Variants in CHD9 observed in about 807,000 individuals in gnomAD.
CHD9 encodes the protein ATP-dependent chromatin remodeler CHD9.
CHD9 carries 77 observed loss-of-function variants against 316.1 expected under a neutral mutation model. The observed-to-expected ratio is 0.24, with a 90% confidence interval of 0.20 to 0.29. The LOEUF (loss-of-function observed/expected upper bound fraction) is 0.29. CHD9 is among the 10% of genes least tolerant of loss of function. The pLI, the probability that CHD9 is intolerant of heterozygous loss-of-function variation, is 1.00. For synonymous variants in CHD9, 1,129 were observed against 1,158.3 expected (o/e 0.97, Z 0.51); for missense variants, 2,763 against 3,438.1 (o/e 0.80, Z 4.91).
intron 2 of CHD9, among the ~76,000 whole-genome samples, chr16:53,186,276 A>G (rs2043999031): frequency 6.6e-6 from 1 of 152,202 alleles, no homozygotes; most frequent in South Asian, 2.1e-4. Context: ...CATGGAGTCA[A>G]AGGAGATCAT....
chr16:53,057,673 A>G (rs996913815), intron 1 of CHD9, among the ~76,000 whole-genome samples: 3 of 152,112 alleles, frequency 2.0e-5, no homozygotes, highest in Admixed American at 6.6e-5. Context: ...AAAAGAAAGA[A>G]AAAAGAAAAA....
At position 53,324,062 on chromosome 16, in the gene CHD9, C is replaced by T; in HGVS notation, c.7861C>T (p.Pro2621Ser). The T allele has an allele frequency of 6.2e-7, 1 of 1,613,582 alleles. No individual in the cohort carries two copies. The highest frequency in any genetic ancestry group is 8.5e-7 in the Non-Finnish European group (1 of 1,179,630). Residue 2621 changes from proline (P) to serine (S), a missense_variant, in exon 39 of 39, where the codon CCC becomes TCC. Physicochemically the swap from Pro to Ser is moderately conservative, Grantham distance 74 (BLOSUM62 -1). Coordinates refer to ENST00000447540, the MANE Select transcript of CHD9 (RefSeq NM_001308319.2). ...CATGTATGAACGTATTCTCACTGGT[C>T]CCGTTGTGAGAGAGGAAGTAAGCAG... ...ESMYERILTG[P>S]VVREEVSRRG...
Position 53,303,908 on chromosome 16 carries a change from A to G in CHD9, c.5902A>G (p.Arg1968Gly), listed in dbSNP as rs1248381010. 1.2e-6 allele frequency: 2 copies of G among 1,613,890 alleles called. No homozygotes were observed. Among genetic ancestry groups the G allele is most frequent in the African/African-American group, 2.7e-5 (2 of 74,922 alleles). ...PVWWECGPHD[R>G]DLLIGAAKHG... ...CTGGTGGGAATGTGGCCCTCATGAT[A>G]GGGATTTGCTTATTGGTGCTGCCAA... The change falls in exon 31 of 39, where the codon AGG (arginine) becomes GGG (glycine). Residue 1968 changes from arginine to glycine, a missense_variant. This residue lies in a region of CHD9 where 663 missense variants were observed against 751.2 expected (regional missense o/e 0.88). Coordinates refer to ENST00000447540, the MANE Select transcript of CHD9 (RefSeq NM_001308319.2).
At chr16:53,093,045 T>C (rs1330330713) in intron 1 of CHD9, among the ~76,000 whole-genome samples, 3 of 152,216 alleles carry the variant, frequency 2.0e-5, no homozygotes, top group Non-Finnish European at 4.4e-5. Flanking sequence ...TCCCAAAGTG[T>C]TGGGATTACA....
intron 36 of CHD9, among the ~76,000 whole-genome samples, chr16:53,315,468 G>A (rs1204172301): frequency 6.6e-6 from 1 of 152,064 alleles, no homozygotes; most frequent in Non-Finnish European, 1.5e-5. Context: ...TTATTACGTG[G>A]CATTGTTATA....
At chr16:53,265,315 A>T (rs1040723293) in intron 20 of CHD9, among the ~76,000 whole-genome samples, 1 of 152,182 alleles carries the variant, frequency 6.6e-6, no homozygotes, top group African/African-American at 2.4e-5. Context: ...AGGTGTGAGG[A>T]TGGCTTGACC....
In CHD9 at chr16:53,193,373, C is replaced by G. The variant is rs528862568; in HGVS notation, c.1453-16109C>G. The stretch of plus-strand genomic sequence containing the variant: ...CTGAGGCAGGAGAGTGGCATGAACC[C>G]GGGAGGCAGAGCTTGCAGTGAGCCG... On this transcript the variant is annotated intron_variant, in intron 2 of 38. Transcript: ENST00000447540. 4.0e-5 allele frequency among the ~76,000 whole-genome samples: 6 copies of G among 151,698 alleles called. No individual in the cohort carries two copies. In the South Asian group the frequency reaches 1.3e-3, roughly 32 times the overall value.
intron 1 of CHD9, among the ~76,000 whole-genome samples, chr16:53,131,599 C>T (rs1283957158): frequency 6.6e-6 from 1 of 151,360 alleles, no homozygotes; most frequent in Non-Finnish European, 1.5e-5. Flanking sequence ...AGGTGAGGGC[C>T]GGGCGGCCAG....
chr16:53,123,009 G>A (rs1197562390), intron 1 of CHD9, among the ~76,000 whole-genome samples: 3 of 150,544 alleles, frequency 2.0e-5, no homozygotes, highest in East Asian at 2.0e-4. Flanking sequence ...GAGCCACCGC[G>A]CCCGGCCCAC....
intron 1 of CHD9, among the ~76,000 whole-genome samples, chr16:53,101,419 C>T (rs944194506): frequency 1.3e-5 from 2 of 152,068 alleles, no homozygotes; most frequent in East Asian, 1.9e-4. Flanking sequence ...GGACCACAGG[C>T]ATGTGCCACC....
At chr16:53,085,250 AT>A (rs1240435881) in intron 1 of CHD9, among the ~76,000 whole-genome samples, 26 of 143,138 alleles carry the variant, frequency 1.8e-4, no homozygotes, top group Admixed American at 5.6e-4. Flanking sequence ...TTTTTTTTTT[AT>A]TTTTTTTAGA....
In CHD9 at chr16:53,156,341, A is replaced by G. The variant is rs780400284; in HGVS notation, c.252A>G (p.Gln84=). 12 of 1,614,006 alleles carry G rather than the reference A, an allele frequency of 7.4e-6. No homozygotes were observed. In the South Asian group the frequency reaches 8.8e-5, roughly 12 times the overall value. Residue 84 remains glutamine (Q), a synonymous_variant, in exon 2 of 39, where the codon CAA becomes CAG. Transcript: ENST00000447540. ...CAATAAAATTTCACCATGTTAATCA[A>G]TCTTTTGGTAGCCCAGCTGAACATG... ...FDSIKFHHVN[Q]SFGSPAEHVL...
intron 1 of CHD9, among the ~76,000 whole-genome samples, chr16:53,061,984 A>G (rs183513005): frequency 5.3e-5 from 8 of 152,162 alleles, no homozygotes; most frequent in Admixed American, 5.2e-4. Flanking sequence ...TGGGAAAGGG[A>G]TTTTTCCCTT....
chr16:53,223,091 G>A (rs985977330), intron 4 of CHD9, among the ~76,000 whole-genome samples: 1 of 152,116 alleles, frequency 6.6e-6, no homozygotes. Flanking sequence ...TTGAATGAAC[G>A]TGATGGACAT....
At chr16:53,244,563 T>C (rs2049401528) in intron 13 of CHD9, among the ~76,000 whole-genome samples, 1 of 152,210 alleles carries the variant, frequency 6.6e-6, no homozygotes, top group African/African-American at 2.4e-5. Flanking sequence ...CATTCATGTT[T>C]AAAGAGTTAA....
At position 53,209,676 on chromosome 16, in the gene CHD9, G is replaced by A. The variant is rs756766927; in HGVS notation, c.1647G>A (p.Met549Ile). The A allele has an allele frequency of 1.2e-6, 2 of 1,613,790 alleles. No individual in the cohort carries two copies. Among genetic ancestry groups the A allele is most frequent in the South Asian group, 1.1e-5 (1 of 91,084 alleles). The part of the protein sequence containing the change: ...ERGERNIPRV[M>I]SPENFPTASV... ...GGGAACGCAATATTCCACGAGTAAT[G>A]AGCCCTGAAAACTTTCCTACTGCTT... The change falls in exon 3 of 39, where the codon ATG becomes ATA. Residue 549 changes from methionine (M) to isoleucine (I), a missense_variant. Coordinates refer to ENST00000447540, the MANE Select transcript of CHD9 (RefSeq NM_001308319.2).
rs551516460 is a variant in CHD9 at position 53,094,497 on chromosome 16, C to T, written c.-165+39420C>T. On this transcript the variant is annotated intron_variant, in intron 1 of 38. Coordinates refer to ENST00000447540, the MANE Select transcript of CHD9 (RefSeq NM_001308319.2). ...ACCCCAGGTGACAATTCTGAACCTG[C>T]AACAGCAGTGCATAACTGATAGTGT... Among the ~76,000 whole-genome samples the T allele has an allele frequency of 1.3e-4, 20 of 152,274 alleles. No homozygotes were observed. The South Asian group carries it at 3.5e-3, about 27-fold the overall frequency.
chr16:53,310,622 C>T (rs887914418), intron 34 of CHD9, among the ~76,000 whole-genome samples: 14 of 150,452 alleles, frequency 9.3e-5, no homozygotes, highest in South Asian at 4.2e-4. Flanking sequence ...CCGAGGCAGG[C>T]GGATCACCTG....
intron 26 of CHD9, 72 bp downstream of exon 26, chr16:53,286,415 C>T: frequency 1.3e-6 from 1 of 781,924 alleles, no homozygotes; most frequent in South Asian, 1.6e-5. Flanking sequence ...TTCTATGTCA[C>T]ACTATTTATC....
Sources: gnomAD v4.1 joint callset for allele counts (sites outside exome capture counted in the v4.1 genomes callset) on GRCh38, gnomAD v4.1.1 for gene constraint, gnomAD v4.1.1 regional missense constraint, MANE v1.5 for transcripts, NCBI Gene and HGNC (gene_info 2026-07-23, HGNC 2026-07-21) for gene names.